Variants in PFKP observed in about 807,000 individuals in gnomAD.
The protein encoded by PFKP is ATP-dependent 6-phosphofructokinase, platelet type.
Under a neutral mutation model 94.3 loss-of-function variants are expected in PFKP, and 101 were observed. That is an observed-to-expected ratio of 1.07 (90% CI 0.91 to 1.26). The LOEUF (loss-of-function observed/expected upper bound fraction) is 1.26, where lower values mean the gene tolerates loss of function less well. Ranked by LOEUF, PFKP falls within the 50% of genes most tolerant of loss-of-function variation. PFKP has a pLI of 0.00. For missense variants in PFKP, 1,145 were observed against 1,103.3 expected (o/e 1.04, Z -0.53); for synonymous variants, 573 against 432.6 (o/e 1.32, Z -4.03).
chr10:3,115,222 G>A (rs1014981306), intron 13 of PFKP, among the ~76,000 whole-genome samples: 5 of 146,706 alleles, frequency 3.4e-5, no homozygotes, highest in African/African-American at 5.0e-5. Context: ...CAGGGTGAAA[G>A]TGTGTGTCCC....
Position 3,068,276 on chromosome 10 carries a change from G to A in PFKP, c.112+569G>A, listed in dbSNP as rs1052296850. Among the ~76,000 whole-genome samples the A allele has an allele frequency of 4.6e-5, 7 of 152,322 alleles. No homozygotes were observed. The East Asian group carries it at 1.4e-3, about 30-fold the overall frequency. On this transcript the variant is annotated intron_variant, in intron 1 of 21. Transcript: ENST00000381125. The stretch of plus-strand genomic sequence containing the variant: ...TCGCCTCGTGCCCTGCGCGGCGTGG[G>A]CGGGGTCCTGGCTGCTGCAATGCGG...
intron 17 of PFKP, 25 bp downstream of exon 17, chr10:3,130,008 G>C: frequency 1.3e-6 from 2 of 1,545,578 alleles, no homozygotes; most frequent in Non-Finnish European, 1.8e-6. Context: ...TGGCCTCAGG[G>C]CCCGTCCCCT....
At chr10:3,089,825 C>G (rs538600248) in intron 2 of PFKP, among the ~76,000 whole-genome samples, 3 of 152,028 alleles carry the variant, frequency 2.0e-5, no homozygotes, top group Non-Finnish European at 2.9e-5. Context: ...CCTTCTATCT[C>G]AAACTGTTTT....
chr10:3,104,830 T>G, intron 5 of PFKP: 2 of 512,586 alleles, frequency 3.9e-6, no homozygotes, highest in East Asian at 3.6e-5. Context: ...GGAGTGTGAG[T>G]GTGTCCTGGC....
In PFKP at chr10:3,067,681, T is replaced by C. The variant is rs1831830574; in HGVS notation, c.86T>C (p.Val29Ala). 3 of 1,526,032 alleles carry C rather than the reference T, an allele frequency of 2.0e-6. No individual in the cohort carries two copies. The highest frequency in any genetic ancestry group is 2.6e-6 in the Non-Finnish European group (3 of 1,136,224). 94.5% of individuals were successfully genotyped at this position (1,526,032 alleles called of 1,614,324 possible). The change falls in exon 1 of 22, where the codon GTG (valine) becomes GCG (alanine). Residue 29 changes from valine (V) to alanine (A), a missense_variant. By Grantham distance (64) the Val-to-Ala change is moderately conservative. Coordinates refer to ENST00000381125, the MANE Select transcript of PFKP (RefSeq NM_002627.5). ...HLSGAGKAIG[V>A]LTSGGDAQGM... ...TCCGGGGCCGGCAAGGCCATCGGCGTGCTGACCAGCGGCGGGGATGCTCAA... is the reference window on the plus strand; with the variant it reads ...TCCGGGGCCGGCAAGGCCATCGGCGCGCTGACCAGCGGCGGGGATGCTCAA...
chr10:3,109,669 G>A lies in PFKP; in HGVS notation c.1089+189G>A, dbSNP rs542745505. On this transcript the variant is annotated intron_variant, in intron 10 of 21. Transcript: ENST00000381125. ...TCTCTCCCACACCTGCAGAGCCTGC[G>A]CCGTCTTCGCTCTTTGGTTTTCTAA... is the stretch of plus-strand genomic sequence containing the variant. Among the ~76,000 whole-genome samples, 7 of 152,310 alleles carry A rather than the reference G, an allele frequency of 4.6e-5. No homozygotes were observed. In the East Asian group the frequency reaches 5.8e-4, roughly 13 times the overall value.
chr10:3,073,377 C>T lies in PFKP; in HGVS notation c.112+5670C>T, dbSNP rs547068239. Among the ~76,000 whole-genome samples the T allele has an allele frequency of 3.3e-5, 5 of 152,066 alleles. No homozygotes were observed. In the East Asian group the frequency reaches 9.7e-4, roughly 29 times the overall value. On this transcript the variant is annotated intron_variant, in intron 1 of 21. Transcript: ENST00000381125. ...GGCTGGACTGTGCTGGGACCCCCAA[C>T]CCCAGGGCCCGTGTGCTATTTTCCC...
intron 21 of PFKP, among the ~76,000 whole-genome samples, chr10:3,136,070 C>T (rs186165891): frequency 9.2e-5 from 14 of 152,250 alleles, no homozygotes; most frequent in Non-Finnish European, 1.8e-4. Flanking sequence ...TCGAGACCAA[C>T]CTGGCTCATA....
chr10:3,124,441 T>TA (rs1377915031), intron 16 of PFKP, among the ~76,000 whole-genome samples: 1 of 152,162 alleles, frequency 6.6e-6, no homozygotes, highest in Non-Finnish European at 1.5e-5. Context: ...CCGGAGCGCA[T>TA]TTCCCAGTGG....
At chr10:3,081,336 G>T (rs1263249305) in intron 1 of PFKP, among the ~76,000 whole-genome samples, 1 of 152,220 alleles carries the variant, frequency 6.6e-6, no homozygotes, top group Non-Finnish European at 1.5e-5. Flanking sequence ...AGATGCCCCT[G>T]CAGGACCACA....
Position 3,067,599 on chromosome 10 carries a change from G to A in PFKP, c.4G>A (p.Asp2Asn). 1 of 1,518,460 alleles carries A rather than the reference G, an allele frequency of 6.6e-7. No individual in the cohort carries two copies. Among genetic ancestry groups the A allele is most frequent in the Non-Finnish European group, 8.9e-7 (1 of 1,129,920 alleles). The allele number at this position is 1,518,460 out of a possible 1,614,324, so 94.1% of individuals were successfully genotyped here. Reference protein sequence around the residue: MDADDSRAPKGS... With the variant: MNADDSRAPKGS... ...GGCTCCCCTCGGCCTCCTCGCCATG[G>A]ACGCGGACGACTCCCGGGCCCCCAA... The change falls in exon 1 of 22, where the codon GAC (aspartate) becomes AAC (asparagine). Residue 2 changes from aspartate (D) to asparagine (N), a missense_variant. Asp to Asn is a conservative substitution (Grantham distance 23). Coordinates refer to ENST00000381125, the MANE Select transcript of PFKP (RefSeq NM_002627.5).
chr10:3,072,023 CT>C (rs1482937832), intron 1 of PFKP, among the ~76,000 whole-genome samples: 1 of 152,210 alleles, frequency 6.6e-6, no homozygotes, highest in African/African-American at 2.4e-5. Context: ...TCACTGGTGT[CT>C]TTCCCGCGCC....
Position 3,134,490 on chromosome 10 carries a change from C to A in PFKP, c.2030C>A (p.Ala677Glu). 3 of 1,608,304 alleles carry A rather than the reference C, an allele frequency of 1.9e-6. No homozygotes were observed. The highest frequency in any genetic ancestry group is 2.6e-6 in the Non-Finnish European group (3 of 1,174,750). The change falls in exon 20 of 22, where the codon GCA (alanine) becomes GAA (glutamate). Residue 677 changes from alanine to glutamate, a missense_variant. Ala to Glu is a moderately radical substitution (Grantham distance 107, BLOSUM62 -1). Transcript: ENST00000381125. ...NVLGHMQQGG[A>E]PSPFDRNFGT... is the part of the protein sequence containing the mutation. ...AACTCTAACCACCAACAGGGTGGGGCACCCTCTCCATTTGATAGAAACTTT... is the reference window on the plus strand; with the variant it reads ...AACTCTAACCACCAACAGGGTGGGGAACCCTCTCCATTTGATAGAAACTTT...
At chr10:3,130,410 G>A (rs1008140222) in intron 17 of PFKP, among the ~76,000 whole-genome samples, 1 of 152,174 alleles carries the variant, frequency 6.6e-6, no homozygotes, top group Admixed American at 6.5e-5. Flanking sequence ...TGGTTTCTCG[G>A]CATCTGTGGC....
intron 2 of PFKP, among the ~76,000 whole-genome samples, chr10:3,090,080 T>C (rs929023622): frequency 2.6e-5 from 4 of 152,248 alleles, no homozygotes; most frequent in Non-Finnish European, 5.9e-5. Flanking sequence ...ATTCATTCTT[T>C]TTTATTGGCT....
chr10:3,096,227 G>A (rs1331540064), intron 2 of PFKP, among the ~76,000 whole-genome samples: 1 of 152,122 alleles, frequency 6.6e-6, no homozygotes, highest in African/African-American at 2.4e-5. Context: ...CCGGGATAGC[G>A]CGTGCTCCAG....
At position 3,105,115 on chromosome 10, in the gene PFKP, C is replaced by G; in HGVS notation, c.621C>G (p.Ser207Arg). 2 of 1,613,830 alleles carry G rather than the reference C, an allele frequency of 1.2e-6. No homozygotes were observed. Among genetic ancestry groups the G allele is most frequent in the Non-Finnish European group, 1.7e-6 (2 of 1,179,766 alleles). The part of the protein sequence containing the change: ...VVDAIMTTAQ[S>R]HQRTFVLEVM... ...GGGGCTCCCTCTGTTTCTCTTCCAG[C>G]CACCAGAGGACCTTCGTTCTGGAGG... Residue 207 changes from serine to arginine, a missense_variant and splice_region_variant, in exon 6 of 22, where the codon AGC (serine) becomes AGG (arginine). Around this residue, in one of 3 missense-constraint regions of PFKP, gnomAD observed 1,119 missense variants for 1,062.8 expected, o/e 1.05. Coordinates refer to ENST00000381125, the MANE Select transcript of PFKP (RefSeq NM_002627.5).
At chr10:3,093,559 A>ACTCC (rs1409552579) in intron 2 of PFKP, among the ~76,000 whole-genome samples, 1 of 148,312 alleles carries the variant, frequency 6.7e-6, no homozygotes, top group Non-Finnish European at 1.5e-5. Flanking sequence ...TCTGCTCTGC[A>ACTCC]CTCCCTGCCT....
chr10:3,068,640 G>A, intron 1 of PFKP: 1 of 984,982 alleles, frequency 1.0e-6, no homozygotes, highest in Non-Finnish European at 1.2e-6. Context: ...TAACATTGAA[G>A]AGCGGAAGGT....
Sources: allele counts gnomAD v4.1 joint callset (sites outside exome capture counted in the v4.1 genomes callset), GRCh38; gene constraint gnomAD v4.1.1; regional missense constraint gnomAD v4.1.1; transcripts MANE v1.5; gene names NCBI Gene and HGNC (gene_info 2026-07-23, HGNC 2026-07-21).